The following TEX11 variants were observed in gnomAD, a reference collection of about 807,000 sequenced individuals.
TEX11 encodes testis expressed 11.
Under a neutral mutation model 84.4 loss-of-function variants are expected in TEX11, and 7 were observed. The observed-to-expected ratio is 0.08, with a 90% confidence interval of 0.05 to 0.16. The LOEUF is 0.16. Among genes scored for constraint, TEX11 ranks in the 10% least tolerant of loss-of-function variants. TEX11 has a pLI of 1.00. For synonymous variants in TEX11, 264 were observed against 222.8 expected (o/e 1.18, Z -1.64); for missense variants, 551 against 660.5 (o/e 0.83, Z 1.82).
chrX:70,896,801 A>G (rs2091768199), intron 2 of TEX11, among the ~76,000 whole-genome samples: 1 of 110,479 alleles, frequency 9.1e-6, no homozygotes, highest in South Asian at 3.9e-4. Flanking sequence ...GTTCTCACTC[A>G]TAAGTAGGAG....
chrX:70,658,758 C>T (rs1226618862), intron 16 of TEX11, among the ~76,000 whole-genome samples: 2 of 110,498 alleles, frequency 1.8e-5, no homozygotes, highest in South Asian at 7.7e-4. Context: ...AATAAAAAAA[C>T]CCATCCTAAA....
chrX:70,792,053 A>C (rs2091121367), intron 9 of TEX11, among the ~76,000 whole-genome samples: 1 of 101,966 alleles, frequency 9.8e-6, no homozygotes, highest in African/African-American at 3.6e-5. Flanking sequence ...TGAACCCAGG[A>C]GGCAGAGGTT....
intron 5 of TEX11, among the ~76,000 whole-genome samples, chrX:70,855,565 CAA>C (rs36075950): frequency 9.4e-5 from 8 of 85,332 alleles, no homozygotes; most frequent in Admixed American, 1.3e-4. Flanking sequence ...GACTCTGTCT[CAA>C]AAAAAAAAAA....
intron 25 of TEX11, among the ~76,000 whole-genome samples, chrX:70,558,020 C>T (rs2088312385): frequency 9.0e-6 from 1 of 110,545 alleles, no homozygotes; most frequent in African/African-American, 3.3e-5. Context: ...GTGGTGGTGG[C>T]CACCTGTAGT....
chrX:70,796,114 G>A (rs1287991064), intron 9 of TEX11, among the ~76,000 whole-genome samples: 3 of 111,558 alleles, frequency 2.7e-5, no homozygotes, highest in African/African-American at 9.8e-5. Flanking sequence ...ATAACACAGA[G>A]AAGGAATTCA....
At chrX:70,674,872 T>A (rs920971613) in intron 15 of TEX11, among the ~76,000 whole-genome samples, 4 of 111,393 alleles carry the variant, frequency 3.6e-5, no homozygotes, top group African/African-American at 1.3e-4. Flanking sequence ...GCCATCTTTT[T>A]TGATCCGTCT....
intron 16 of TEX11, among the ~76,000 whole-genome samples, chrX:70,667,857 G>C (rs1326407138): frequency 9.0e-6 from 1 of 110,657 alleles, no homozygotes; most frequent in Non-Finnish European, 1.9e-5. Context: ...AGCTCAGGAG[G>C]CGGAGGTTGC....
At chrX:70,896,447 G>A (rs1170150130) in intron 2 of TEX11, among the ~76,000 whole-genome samples, 1 of 111,618 alleles carries the variant, frequency 9.0e-6, no homozygotes, top group Non-Finnish European at 1.9e-5. Flanking sequence ...CAACCATTGT[G>A]GAAGACAATG....
At chrX:70,814,460 A>G (rs1037654358) in intron 8 of TEX11, among the ~76,000 whole-genome samples, 1 of 112,569 alleles carries the variant, frequency 8.9e-6, no homozygotes, top group African/African-American at 3.2e-5. Flanking sequence ...GAAAGCAAAT[A>G]TATGCCTACT....
intron 2 of TEX11, among the ~76,000 whole-genome samples, chrX:70,883,926 T>C (rs906665790): frequency 6.3e-5 from 7 of 111,626 alleles, no homozygotes. Flanking sequence ...TCCTGCCAAG[T>C]CTTTCCCTGT....
chrX:70,650,719 C>T (rs2089800835), intron 17 of TEX11, among the ~76,000 whole-genome samples: 1 of 111,768 alleles, frequency 8.9e-6, no homozygotes, highest in Non-Finnish European at 1.9e-5. Context: ...TAATTGGATT[C>T]GTATACATTT....
At chrX:70,611,403 GA>G (rs2089259138) in intron 20 of TEX11, among the ~76,000 whole-genome samples, 1 of 111,826 alleles carries the variant, frequency 8.9e-6, no homozygotes, top group African/African-American at 3.3e-5. Context: ...GCTGGAGTAG[GA>G]AAACCTGAAG....
At chrX:70,708,929 A>T (rs1395251749) in intron 13 of TEX11, among the ~76,000 whole-genome samples, 6 of 79,921 alleles carry the variant, frequency 7.5e-5, no homozygotes, top group Admixed American at 2.4e-4. Context: ...TGAAATAATT[A>T]AAAAAAAAAA....
At chrX:70,636,559 G>A (rs982841203) in intron 17 of TEX11, among the ~76,000 whole-genome samples, 1 of 112,153 alleles carries the variant, frequency 8.9e-6, no homozygotes, top group Non-Finnish European at 1.9e-5. Flanking sequence ...AACCCCTACA[G>A]ACTCAGGCTC....
intron 25 of TEX11, among the ~76,000 whole-genome samples, chrX:70,567,699 G>A (rs1241736398): frequency 1.6e-4 from 18 of 111,319 alleles, no homozygotes; most frequent in East Asian, 1.1e-3. Context: ...TTCAGTTTCC[G>A]TGTAGTTGAG....
At chrX:70,850,645 C>T (rs1188281909) in intron 7 of TEX11, among the ~76,000 whole-genome samples, 1 of 110,170 alleles carries the variant, frequency 9.1e-6, no homozygotes, top group African/African-American at 3.3e-5. Context: ...GTCTTACCTA[C>T]TCGGGAGGTT....
At chrX:70,611,395 T>C (rs768595394) in intron 20 of TEX11, among the ~76,000 whole-genome samples, 1 of 111,947 alleles carries the variant, frequency 8.9e-6, no homozygotes, top group African/African-American at 3.2e-5. Flanking sequence ...GAACCAATGC[T>C]GGAGTAGGAA....
At chrX:70,875,424 G>A (rs2091650690) in intron 3 of TEX11, among the ~76,000 whole-genome samples, 1 of 109,596 alleles carries the variant, frequency 9.1e-6, no homozygotes, top group Non-Finnish European at 1.9e-5. Context: ...TTCCTTGATG[G>A]AATAGTATTC....
chrX:70,785,797 A>T (rs905939364), intron 9 of TEX11, among the ~76,000 whole-genome samples: 1 of 111,970 alleles, frequency 8.9e-6, no homozygotes, highest in African/African-American at 3.2e-5. Context: ...TAGAATAGAG[A>T]TCATTAAAAA....
Sources: allele counts gnomAD v4.1 joint callset (sites outside exome capture counted in the v4.1 genomes callset), GRCh38; gene constraint gnomAD v4.1.1; transcripts MANE v1.5; gene names NCBI Gene and HGNC (gene_info 2026-07-23, HGNC 2026-07-21).